MYO9A: variants seen among roughly 807,000 people sequenced by gnomAD.
MYO9A encodes the protein unconventional myosin-IXa.
MYO9A carries 103 observed loss-of-function variants against 293.3 expected under a neutral mutation model. That is an observed-to-expected ratio of 0.35 (90% CI 0.30 to 0.41). The LOEUF (loss-of-function observed/expected upper bound fraction) is 0.41, where lower values mean the gene tolerates loss of function less well. Ranked by LOEUF, MYO9A falls within the 10% of genes least tolerant of loss-of-function variation. The probability of loss-of-function intolerance (pLI) is 1.00; values close to 1 mark genes in which losing one functional copy is unlikely to be tolerated. For synonymous variants in MYO9A, 1,001 were observed against 1,035.7 expected (o/e 0.97, Z 0.64); for missense variants, 2,685 against 3,033.0 (o/e 0.89, Z 2.69).
At chr15:71,944,729 C>G (rs1015479771) in intron 15 of MYO9A, among the ~76,000 whole-genome samples, 6 of 152,032 alleles carry the variant, frequency 3.9e-5, no homozygotes, top group African/African-American at 1.4e-4. Flanking sequence ...ACCAATAGAA[C>G]AATGTCATGA....
chr15:72,051,821 G>A (rs1172495623), intron 1 of MYO9A, among the ~76,000 whole-genome samples: 1 of 152,142 alleles, frequency 6.6e-6, no homozygotes, highest in African/African-American at 2.4e-5. Flanking sequence ...GTCACAAACA[G>A]CCTGGGCACC....
chr15:71,879,793 C>T lies in MYO9A; in HGVS notation c.5667G>A (p.Val1889=). 6.2e-7 allele frequency: 1 copy of T among 1,613,638 alleles called. No individual in the cohort carries two copies. The change falls in exon 30 of 42, where the codon GTG becomes GTA. Residue 1889 remains valine, a synonymous_variant. Transcript: ENST00000356056. ...TCAGGGCTTTTTTAAATACAACATC[C>T]ACTAGTGTATCCTTCTTGCTGTCTT... ...DNEDSKKDTL[V]DVVFKKALKE...
intron 12 of MYO9A, among the ~76,000 whole-genome samples, chr15:71,977,284 T>C (rs1383839207): frequency 6.6e-6 from 1 of 152,192 alleles, no homozygotes; most frequent in East Asian, 1.9e-4. Context: ...CAGGCTGGAC[T>C]ATAGTGCATT....
chr15:72,007,598 G>T (rs1440526361), intron 8 of MYO9A, among the ~76,000 whole-genome samples: 1 of 152,112 alleles, frequency 6.6e-6, no homozygotes, highest in Non-Finnish European at 1.5e-5. Context: ...GGAGCAAGTG[G>T]AGGCAGAGGA....
intron 5 of MYO9A, among the ~76,000 whole-genome samples, chr15:72,020,600 G>A (rs957688005): frequency 6.6e-6 from 1 of 152,148 alleles, no homozygotes; most frequent in African/African-American, 2.4e-5. Flanking sequence ...CCTGGGGGTT[G>A]TAAAAGGTAA....
At position 71,862,613 on chromosome 15, in the gene MYO9A, T is replaced by A; in HGVS notation, c.5980-2A>T. ...GATGTGACCATTGTGTTCTTCCACC[T>A]GAATGAAAAAATTTAGCTACTTATA... On this transcript the variant is annotated splice_acceptor_variant, in intron 32 of 41. Transcript: ENST00000356056. LOFTEE classifies it high-confidence loss of function. 1 of 1,595,940 alleles carries A rather than the reference T, an allele frequency of 6.3e-7. No homozygotes were observed. Among genetic ancestry groups the A allele is most frequent in the Non-Finnish European group, 8.6e-7 (1 of 1,164,766 alleles).
chr15:71,847,584 T>TG, intron 39 of MYO9A: 1 of 341,654 alleles, frequency 2.9e-6, no homozygotes, highest in Non-Finnish European at 6.6e-6. Context: ...TCTGCAGCAC[T>TG]GGAAAAAAGC....
At chr15:71,941,207 G>A (rs891984266) in intron 15 of MYO9A, among the ~76,000 whole-genome samples, 3 of 152,078 alleles carry the variant, frequency 2.0e-5, no homozygotes, top group Non-Finnish European at 2.9e-5. Flanking sequence ...AGGCCAAGGT[G>A]GGCACATCAC....
At chr15:71,990,972 C>T in intron 11 of MYO9A, 131 bp downstream of exon 11, 1 of 907,504 alleles carries the variant, frequency 1.1e-6, no homozygotes, top group Non-Finnish European at 1.5e-6. Flanking sequence ...TTTGTAAAGG[C>T]ACGTTTCAAT....
rs1202870310 is a variant in MYO9A at position 72,101,754 on chromosome 15, C to A, written c.-72+15926G>T. On this transcript the variant is annotated intron_variant, in intron 1 of 41. Coordinates refer to ENST00000356056, the MANE Select transcript of MYO9A (RefSeq NM_006901.4). Reference sequence around the variant, plus strand: ...GGAGGTGAGGGGCGCCTCTGCCCGGCCGCCCCTACTGGGAAGTGAGGAGCC... The same window carrying A: ...GGAGGTGAGGGGCGCCTCTGCCCGGACGCCCCTACTGGGAAGTGAGGAGCC... Among the ~76,000 whole-genome samples, 15 of 144,448 alleles carry A rather than the reference C, an allele frequency of 1.0e-4. No homozygotes were observed. In the East Asian group the frequency reaches 3.0e-3, roughly 29 times the overall value. The allele number at this position is 144,448 out of a possible 152,430, so 94.8% of individuals were successfully genotyped here. A position where few individuals can be genotyped will look rare whatever the true frequency, so the allele number is the denominator to read the frequency against.
chr15:72,020,352 T>C (rs940696532), intron 5 of MYO9A, among the ~76,000 whole-genome samples: 1 of 152,160 alleles, frequency 6.6e-6, no homozygotes, highest in Non-Finnish European at 1.5e-5. Flanking sequence ...TGTGGAAGTT[T>C]AGGGATGAAT....
At chr15:71,888,313 T>A in intron 26 of MYO9A, 197 bp from the exon 27 acceptor site, 1 of 344,746 alleles carries the variant, frequency 2.9e-6, no homozygotes, top group East Asian at 4.8e-5. Flanking sequence ...ACTTGGTCAA[T>A]GAAAATAAAC....
At chr15:71,841,464 G>A (rs986895533) in intron 39 of MYO9A, among the ~76,000 whole-genome samples, 1 of 152,038 alleles carries the variant, frequency 6.6e-6, no homozygotes, top group African/African-American at 2.4e-5. Context: ...TATCTATGAG[G>A]ATAATACGAT....
In MYO9A at chr15:72,056,679, T is replaced by C. The variant is rs188064913; in HGVS notation, c.-71-10045A>G. Among the ~76,000 whole-genome samples, 18 of 152,246 alleles carry C rather than the reference T, an allele frequency of 1.2e-4. No individual in the cohort carries two copies. The East Asian group carries it at 2.9e-3, about 25-fold the overall frequency. ...GCACCAAAATCTCAGAAATCACCAC[T>C]AAAGAACTTACTCAGCTGGGCGCAG... On this transcript the variant is annotated intron_variant, in intron 1 of 41. Coordinates refer to ENST00000356056, the MANE Select transcript of MYO9A (RefSeq NM_006901.4).
chr15:71,977,227 C>A (rs780426488), intron 12 of MYO9A, among the ~76,000 whole-genome samples: 1 of 152,128 alleles, frequency 6.6e-6, no homozygotes, highest in Non-Finnish European at 1.5e-5. Context: ...CCATAACATT[C>A]TTTTTTCTGT....
chr15:71,938,602 TGA>T (rs757035774), intron 16 of MYO9A, among the ~76,000 whole-genome samples: 3 of 152,138 alleles, frequency 2.0e-5, no homozygotes, highest in Non-Finnish European at 2.9e-5. Flanking sequence ...TTAAAATATA[TGA>T]GCTCATTTTA....
At chr15:71,935,226 T>C in intron 17 of MYO9A, 115 bp downstream of exon 17, 3 of 1,138,088 alleles carry the variant, frequency 2.6e-6, no homozygotes, top group African/African-American at 1.6e-5. Flanking sequence ...GTCAAAATTC[T>C]TCCCATGAAA....
chr15:72,028,357 T>A (rs1052308687), intron 3 of MYO9A, among the ~76,000 whole-genome samples: 1 of 149,314 alleles, frequency 6.7e-6, no homozygotes, highest in African/African-American at 2.5e-5. Flanking sequence ...AAATAAGAAG[T>A]TTAAACCAGG....
rs1239264021 is a variant in MYO9A at position 71,897,820 on chromosome 15, G to A, written c.4683C>T (p.Leu1561=). 1.2e-6 allele frequency: 2 copies of A among 1,614,082 alleles called. No homozygotes were observed. The highest frequency in any genetic ancestry group is 1.7e-6 in the Non-Finnish European group (2 of 1,180,010). Residue 1561 remains leucine, a synonymous_variant, in exon 25 of 42, where the codon CTC becomes CTT. Coordinates refer to ENST00000356056, the MANE Select transcript of MYO9A (RefSeq NM_006901.4). ...CTCCCTTATTTGAGGTATTTAAGCT[G>A]AGGAGAGAGGATGGCCTCTCTACTC... ...KQRVERPSSL[L]SLNTSNKGEL...
Sources: allele counts gnomAD v4.1 joint callset (sites outside exome capture counted in the v4.1 genomes callset), GRCh38; gene constraint gnomAD v4.1.1; transcripts MANE v1.5; gene names NCBI Gene and HGNC (gene_info 2026-07-23, HGNC 2026-07-21).